RANBP2: variants seen among roughly 807,000 people sequenced by gnomAD.
The protein encoded by RANBP2 is RAN binding protein 2.
A neutral mutation model predicts 303.6 loss-of-function variants in RANBP2; 57 were observed. The observed-to-expected ratio is 0.19, with a 90% CI of 0.15 to 0.23. RANBP2 has a LOEUF of 0.23. Among genes scored for constraint, RANBP2 ranks in the 10% least tolerant of loss-of-function variants. The pLI is 1.00. For synonymous variants in RANBP2, 1,167 were observed against 1,301.5 expected, an observed-to-expected ratio of 0.90 and a Z score of 2.23; for missense variants, 3,138 against 3,780.8, an observed-to-expected ratio of 0.83 and a Z score of 4.46.
the RANBP2 span, among the ~76,000 whole-genome samples, chr2:109,228,745 C>T: frequency 6.6e-6 from 1 of 152,122 alleles, no homozygotes; most frequent in African/African-American, 2.4e-5. Context: ...TGGAAGGGTC[C>T]TGAGCACAGG....
At chr2:109,484,950 T>C in the RANBP2 span, among the ~76,000 whole-genome samples, 1 of 152,236 alleles carries the variant, frequency 6.6e-6, no homozygotes, top group Non-Finnish European at 1.5e-5. Context: ...GGAGTTAAAG[T>C]GTACGATTGT....
At chr2:109,669,503 T>C in the RANBP2 span, among the ~76,000 whole-genome samples, 1 of 152,128 alleles carries the variant, frequency 6.6e-6, no homozygotes, top group Middle Eastern at 3.4e-3. Flanking sequence ...CCAAAAAGAA[T>C]CTGATTTAAA....
the RANBP2 span, among the ~76,000 whole-genome samples, chr2:108,983,719 C>T: frequency 2.6e-5 from 4 of 152,178 alleles, no homozygotes; most frequent in Non-Finnish European, 5.9e-5. Context: ...TGGCTCCGTG[C>T]GGGACGGGGC....
chr2:109,248,668 G>A, the RANBP2 span, among the ~76,000 whole-genome samples: 12 of 152,176 alleles, frequency 7.9e-5, no homozygotes, highest in African/African-American at 2.9e-4. Context: ...CTTGGTGAGT[G>A]AAGAGAAAAA....
chr2:108,752,925 C>A, intron 12 of RANBP2, 73 bp from the exon 13 acceptor site: 1 of 1,606,940 alleles, frequency 6.2e-7, no homozygotes, highest in South Asian at 1.1e-5. Context: ...CCAGTTCTTT[C>A]AACTTGTAAA....
chr2:109,062,554 C>G, the RANBP2 span, among the ~76,000 whole-genome samples: 1 of 152,098 alleles, frequency 6.6e-6, no homozygotes, highest in Non-Finnish European at 1.5e-5. Flanking sequence ...ATTTCCACAC[C>G]CAGGAAAGTC....
the RANBP2 span, chr2:109,614,343 G>T: frequency 2.8e-6 from 2 of 704,274 alleles, no homozygotes; most frequent in Non-Finnish European, 3.9e-6. Flanking sequence ...CAGTGAGGCG[G>T]TGGCCGAGTC....
At chr2:108,828,358 C>T in the RANBP2 span, among the ~76,000 whole-genome samples, 3 of 151,994 alleles carry the variant, frequency 2.0e-5, no homozygotes, top group Admixed American at 2.0e-4. Context: ...TACTACTTAT[C>T]CTAAAATTGA....
At chr2:109,704,847 A>G in the RANBP2 span, among the ~76,000 whole-genome samples, 146 of 151,970 alleles carry the variant, frequency 9.6e-4, no homozygotes, top group African/African-American at 3.4e-3. Context: ...ACGAAACTTC[A>G]TCTCAAAAAG....
chr2:109,698,174 T>C, the RANBP2 span, among the ~76,000 whole-genome samples: 1 of 152,066 alleles, frequency 6.6e-6, no homozygotes, highest in Admixed American at 6.6e-5. Context: ...TCACTTTAGA[T>C]CTATTGCTGT....
chr2:109,466,555 T>C, the RANBP2 span, among the ~76,000 whole-genome samples: 1 of 152,250 alleles, frequency 6.6e-6, no homozygotes, highest in Non-Finnish European at 1.5e-5. Context: ...TGACAGTATC[T>C]GTTTCAGAGC....
chr2:109,349,168 A>AC, the RANBP2 span, among the ~76,000 whole-genome samples: 106,840 of 152,054 alleles, frequency 0.7, 39,026 homozygotes, highest in African/African-American at 0.9. Context: ...GCAGAGCTCG[A>AC]GGTGGCACTC....
the RANBP2 span, among the ~76,000 whole-genome samples, chr2:109,343,687 G>GC: frequency 6.6e-6 from 1 of 151,734 alleles, no homozygotes; most frequent in South Asian, 2.1e-4. Flanking sequence ...TGGAGAGGTG[G>GC]CCAGGCGTAC....
the RANBP2 span, chr2:109,614,281 T>TGACC: frequency 1.8e-6 from 1 of 548,398 alleles, no homozygotes; most frequent in Non-Finnish European, 2.6e-6. Context: ...CGTGGCCTGG[T>TGACC]GGCGTGGGCG....
intron 19 of RANBP2, among the ~76,000 whole-genome samples, chr2:108,762,822 T>A (rs1209909087): frequency 6.6e-6 from 1 of 152,154 alleles, no homozygotes; most frequent in Non-Finnish European, 1.5e-5. Flanking sequence ...ATCATCATCA[T>A]CATCATTAAC....
At chr2:108,788,733 GA>G (rs1206460775), downstream of RANBP2, 42 of 1,377,626 alleles carry the variant, frequency 3.0e-5, no homozygotes, top group Middle Eastern at 2.6e-4. Context: ...GAAAAAAAAA[GA>G]AAAAAAAATT....
chr2:109,021,666 G>T, the RANBP2 span, among the ~76,000 whole-genome samples: 1 of 152,080 alleles, frequency 6.6e-6, no homozygotes, highest in Admixed American at 6.5e-5. Flanking sequence ...TGGAAGCGAG[G>T]TAAAGAGAGC....
At chr2:108,863,518 T>C in the RANBP2 span, among the ~76,000 whole-genome samples, 1 of 152,214 alleles carries the variant, frequency 6.6e-6, no homozygotes, top group African/African-American at 2.4e-5. Flanking sequence ...GGGGTGCTCA[T>C]TGGGAAGAGC....
At chr2:108,961,176 G>A in the RANBP2 span, among the ~76,000 whole-genome samples, 1 of 152,238 alleles carries the variant, frequency 6.6e-6, no homozygotes, top group East Asian at 1.9e-4. Flanking sequence ...CCCTGACTGG[G>A]TTTTGGAGGC....
Sources: gnomAD v4.1 joint callset for allele counts (sites outside exome capture counted in the v4.1 genomes callset) on GRCh38, gnomAD v4.1.1 for gene constraint, MANE v1.5 for transcripts, NCBI Gene and HGNC (gene_info 2026-07-23, HGNC 2026-07-21) for gene names.